The following DPH6 variants were observed in gnomAD, a reference collection of about 807,000 sequenced individuals.
The protein encoded by DPH6 is diphthine--ammonia ligase.
Under a neutral mutation model 38.2 loss-of-function variants are expected in DPH6, and 33 were observed. That is an observed-to-expected ratio of 0.86 (90% CI 0.65 to 1.15). DPH6 has a LOEUF of 1.15. DPH6 is among the 50% of genes most tolerant of loss of function. The pLI, the probability that DPH6 is intolerant of heterozygous loss-of-function variation, is 0.00. For missense variants in DPH6, 325 were observed against 320.0 expected (o/e 1.02, Z -0.12); for synonymous variants, 108 against 103.0 (o/e 1.05, Z -0.30).
At chr15:35,291,834 AT>A (rs2083348891) in intron 3 of DPH6, among the ~76,000 whole-genome samples, 1 of 152,004 alleles carries the variant, frequency 6.6e-6, no homozygotes, top group Non-Finnish European at 1.5e-5. Flanking sequence ...AGAGATATAT[AT>A]TTTTTTCTGG....
chr15:35,181,590 T>C, the DPH6 span, among the ~76,000 whole-genome samples: 4 of 152,098 alleles, frequency 2.6e-5, no homozygotes, highest in Non-Finnish European at 1.5e-5. Flanking sequence ...CAGTGAGTAA[T>C]GTACTACTTT....
intron 3 of DPH6, among the ~76,000 whole-genome samples, chr15:35,530,136 G>C (rs1363436645): frequency 6.6e-6 from 1 of 152,112 alleles, no homozygotes; most frequent in Non-Finnish European, 1.5e-5. Flanking sequence ...TCTGGATAAT[G>C]TATTCTCAGT....
chr15:35,543,461 T>C (rs1046855950), intron 1 of DPH6, among the ~76,000 whole-genome samples: 18 of 151,968 alleles, frequency 1.2e-4, no homozygotes, highest in African/African-American at 4.3e-4. Flanking sequence ...CTATATGCTA[T>C]TGTAATTTAA....
chr15:35,483,362 G>T lies in DPH6; in HGVS notation c.313-28542C>A, dbSNP rs2054353303. On this transcript the variant is annotated intron_variant, in intron 3 of 8. Coordinates refer to ENST00000256538, the MANE Select transcript of DPH6 (RefSeq NM_080650.4). ...ACCTGTAATCCCAGCTACTCAAGAG[G>T]CTGAGGCAGGAGAATTGCTTAAACC... Among the ~76,000 whole-genome samples, 2 of 151,882 alleles carry T rather than the reference G, an allele frequency of 1.3e-5. 1 individual carries two copies. Among genetic ancestry groups the T allele is most frequent in the South Asian group, 4.2e-4 (2 of 4,814 alleles).
intron 3 of DPH6, among the ~76,000 whole-genome samples, chr15:35,513,567 A>C (rs1266077478): frequency 6.6e-6 from 1 of 152,082 alleles, no homozygotes; most frequent in African/African-American, 2.4e-5. Context: ...TTTACTATGC[A>C]AAAGTATCAA....
intron 3 of DPH6, chr15:35,520,631 T>C: frequency 1.0e-6 from 1 of 984,812 alleles, no homozygotes; most frequent in Non-Finnish European, 1.2e-6. Flanking sequence ...AATGCAAAAG[T>C]AAAAGGGAGT....
chr15:35,402,494 A>G (rs892380030), intron 6 of DPH6, among the ~76,000 whole-genome samples: 3 of 152,196 alleles, frequency 2.0e-5, no homozygotes, highest in Non-Finnish European at 4.4e-5. Context: ...TTACACAATT[A>G]GAATACTATT....
chr15:35,339,663 T>C (rs905847551), intron 3 of DPH6, among the ~76,000 whole-genome samples: 9 of 152,186 alleles, frequency 5.9e-5, no homozygotes, highest in African/African-American at 1.7e-4. Flanking sequence ...CAGGAGCAGG[T>C]TGTACAATAT....
At chr15:35,232,469 T>C (rs535200974) in intron 3 of DPH6, among the ~76,000 whole-genome samples, 2 of 152,158 alleles carry the variant, frequency 1.3e-5, no homozygotes, top group South Asian at 2.1e-4. Context: ...TAATCTCAGC[T>C]ACTCAGGAGG....
intron 3 of DPH6, among the ~76,000 whole-genome samples, chr15:35,352,787 T>C (rs1165793390): frequency 6.6e-6 from 1 of 152,198 alleles, no homozygotes; most frequent in Non-Finnish European, 1.5e-5. Flanking sequence ...ATCCTTTGGG[T>C]ATATACCCAG....
the DPH6 span, among the ~76,000 whole-genome samples, chr15:35,151,295 G>A: frequency 6.6e-6 from 1 of 152,126 alleles, no homozygotes; most frequent in Non-Finnish European, 1.5e-5. Flanking sequence ...AACACCTGGG[G>A]ATCATATTAG....
At chr15:35,364,514 T>G (rs926788714) in intron 3 of DPH6, among the ~76,000 whole-genome samples, 1 of 152,108 alleles carries the variant, frequency 6.6e-6, no homozygotes, top group African/African-American at 2.4e-5. Context: ...AACAGATTAC[T>G]GTCATCCTGG....
chr15:35,500,914 T>A (rs1316719791), intron 3 of DPH6, among the ~76,000 whole-genome samples: 1 of 152,118 alleles, frequency 6.6e-6, no homozygotes, highest in Non-Finnish European at 1.5e-5. Context: ...CTAATTTTTG[T>A]ATTTTTAGTA....
At chr15:35,194,057 A>T in the DPH6 span, among the ~76,000 whole-genome samples, 1 of 152,166 alleles carries the variant, frequency 6.6e-6, no homozygotes, top group Non-Finnish European at 1.5e-5. Flanking sequence ...TTCAAATGAA[A>T]ACTCTGATGC....
intron 3 of DPH6, among the ~76,000 whole-genome samples, chr15:35,229,231 G>A (rs2051501673): frequency 6.6e-6 from 1 of 151,862 alleles, no homozygotes; most frequent in African/African-American, 2.4e-5. Context: ...TTGCTTCATT[G>A]TTTTGTTTTC....
chr15:35,210,946 C>CCT, the DPH6 span, among the ~76,000 whole-genome samples: 1 of 61,570 alleles, frequency 1.6e-5, no homozygotes, highest in African/African-American at 7.7e-5. Context: ...AGATAGATCA[C>CCT]TTTTTTTTTT....
At chr15:35,292,721 A>G (rs1254818717) in intron 3 of DPH6, among the ~76,000 whole-genome samples, 2 of 152,202 alleles carry the variant, frequency 1.3e-5, no homozygotes, top group African/African-American at 2.4e-5. Context: ...CATATTTTTA[A>G]AAAAGAAATG....
chr15:35,214,693 C>T (rs753339080), downstream of DPH6, among the ~76,000 whole-genome samples: 51 of 152,146 alleles, frequency 3.4e-4, no homozygotes, highest in Non-Finnish European at 5.6e-4. Flanking sequence ...CTGCAACCTC[C>T]GCCTCACGGG....
chr15:35,401,646 T>G, intron 6 of DPH6: 1 of 753,180 alleles, frequency 1.3e-6, no homozygotes, highest in East Asian at 2.4e-5. Flanking sequence ...GGTAGGAAAC[T>G]TTGGAGGCAG....
Sources: gnomAD v4.1 joint callset for allele counts (sites outside exome capture counted in the v4.1 genomes callset) on GRCh38, gnomAD v4.1.1 for gene constraint, MANE v1.5 for transcripts, NCBI Gene and HGNC (gene_info 2026-07-23, HGNC 2026-07-21) for gene names.